Variants in IL17RD observed in about 807,000 individuals in gnomAD.
IL17RD encodes the protein interleukin-17 receptor D.
Under a neutral mutation model 80.5 loss-of-function variants are expected in IL17RD, and 52 were observed. That is an observed-to-expected ratio of 0.65 (90% CI 0.52 to 0.81). IL17RD has a LOEUF of 0.81. Among genes scored for constraint, IL17RD ranks in the 40% least tolerant of loss-of-function variants. The pLI, the probability that IL17RD is intolerant of heterozygous loss-of-function variation, is 0.00. For synonymous variants in IL17RD, 416 were observed against 391.8 expected (o/e 1.06, Z -0.73); for missense variants, 1,024 against 955.1 (o/e 1.07, Z -0.95).
intron 1 of IL17RD, among the ~76,000 whole-genome samples, chr3:57,121,353 A>G (rs1707334037): frequency 1.3e-5 from 2 of 152,182 alleles, no homozygotes; most frequent in Admixed American, 1.3e-4. Flanking sequence ...TGACATCCAT[A>G]TGCCACAGGC....
At chr3:57,156,921 C>A (rs1258836213) in intron 1 of IL17RD, among the ~76,000 whole-genome samples, 1 of 152,130 alleles carries the variant, frequency 6.6e-6, no homozygotes, top group African/African-American at 2.4e-5. Context: ...TCTAAGCCTC[C>A]CACGAACCAT....
intron 1 of IL17RD, among the ~76,000 whole-genome samples, chr3:57,143,683 T>C (rs1707873180): frequency 6.6e-6 from 1 of 152,208 alleles, no homozygotes; most frequent in Admixed American, 6.5e-5. Context: ...CTGTACTCAA[T>C]AGGGTAATCC....
At chr3:57,141,875 G>C (rs1416573000) in intron 1 of IL17RD, among the ~76,000 whole-genome samples, 1 of 152,186 alleles carries the variant, frequency 6.6e-6, no homozygotes, top group Non-Finnish European at 1.5e-5. Context: ...TCCACCGCAG[G>C]CCTTGGGCTC....
At chr3:57,134,092 T>G (rs1461886702) in intron 1 of IL17RD, 1 of 487,382 alleles carries the variant, frequency 2.1e-6, no homozygotes, top group Non-Finnish European at 3.8e-6. Flanking sequence ...GACTTTAAAC[T>G]AAGAATCGGG....
At chr3:57,140,329 T>A (rs941883515) in intron 1 of IL17RD, among the ~76,000 whole-genome samples, 4 of 152,216 alleles carry the variant, frequency 2.6e-5, no homozygotes, top group Admixed American at 6.5e-5. Flanking sequence ...TCATTTTTTT[T>A]AACCAGATAC....
intron 5 of IL17RD, among the ~76,000 whole-genome samples, chr3:57,107,365 C>T (rs1341457723): frequency 1.4e-5 from 2 of 139,754 alleles, no homozygotes; most frequent in Non-Finnish European, 1.5e-5. Flanking sequence ...GGCGACAGAG[C>T]GAAACTCCAT....
At chr3:57,106,371 A>C (rs909682077) in intron 5 of IL17RD, among the ~76,000 whole-genome samples, 3 of 152,242 alleles carry the variant, frequency 2.0e-5, no homozygotes, top group African/African-American at 7.2e-5. Flanking sequence ...ACTTTATGCC[A>C]CATAAATGGT....
rs1559477135 is a variant in IL17RD at position 57,127,336 on chromosome 3, AAAAAT to A, written c.127-7028_127-7024del. On this transcript the variant is annotated intron_variant, in intron 1 of 12. Transcript: ENST00000296318. ...TATAAAAATATATATAAATATATATAAAAATATATATAAATATATATAAATATAAA... is the reference window on the plus strand; with the variant it reads ...TATAAAAATATATATAAATATATATAATATATAAATATATATAAATATAAA... Among the ~76,000 whole-genome samples, 4 of 89,464 alleles carry A rather than the reference AAAAAT, an allele frequency of 4.5e-5. 1 individual carries two copies. The highest frequency in any genetic ancestry group is 6.8e-5 in the African/African-American group (1 of 14,706). The allele number at this position is 89,464 out of a possible 152,430, so 58.7% of individuals were successfully genotyped here.
At chr3:57,160,656 C>T (rs1559488658) in intron 1 of IL17RD, among the ~76,000 whole-genome samples, 1 of 152,196 alleles carries the variant, frequency 6.6e-6, no homozygotes. Flanking sequence ...AAAGTCTTCA[C>T]ATTCTTCTCT....
chr3:57,159,657 A>AGG (rs1192191703), intron 1 of IL17RD, among the ~76,000 whole-genome samples: 11 of 152,302 alleles, frequency 7.2e-5, no homozygotes, highest in African/African-American at 2.6e-4. Context: ...CGGCTGACTG[A>AGG]GGGCAGGAGC....
At chr3:57,155,614 G>A (rs1019195061) in intron 1 of IL17RD, among the ~76,000 whole-genome samples, 3 of 151,754 alleles carry the variant, frequency 2.0e-5, no homozygotes, top group Non-Finnish European at 2.9e-5. Flanking sequence ...TTTTTGAGAC[G>A]GAGTCTCGCT....
At chr3:57,150,650 G>A (rs2107535989) in intron 1 of IL17RD, among the ~76,000 whole-genome samples, 1 of 152,316 alleles carries the variant, frequency 6.6e-6, no homozygotes, top group South Asian at 2.1e-4. Flanking sequence ...CCTCTGGATG[G>A]AACTCTCCTC....
At chr3:57,168,432 T>C (rs993367314), upstream of IL17RD, among the ~76,000 whole-genome samples, 3 of 152,172 alleles carry the variant, frequency 2.0e-5, no homozygotes, top group Non-Finnish European at 2.9e-5. Flanking sequence ...CCTGAAGCCA[T>C]GTGGAGGGCA....
At chr3:57,110,863 G>T (rs1290264808) in intron 3 of IL17RD, among the ~76,000 whole-genome samples, 3 of 152,190 alleles carry the variant, frequency 2.0e-5, no homozygotes, top group Admixed American at 6.5e-5. Context: ...TTTACAAAGC[G>T]GTTCTTGCTC....
chr3:57,134,344 G>T (rs970611153), intron 1 of IL17RD: 1 of 689,296 alleles, frequency 1.5e-6, no homozygotes, highest in Non-Finnish European at 2.7e-6. Context: ...ACCTTGGCCC[G>T]CTGGAAGGGC....
chr3:57,100,237 C>CA (rs1706795308), intron 11 of IL17RD, among the ~76,000 whole-genome samples: 1 of 152,232 alleles, frequency 6.6e-6, no homozygotes, highest in African/African-American at 2.4e-5. Context: ...CCACCAACCT[C>CA]ACGCTTTCAT....
chr3:57,108,876 G>A (rs559175126), intron 5 of IL17RD, among the ~76,000 whole-genome samples: 4 of 151,880 alleles, frequency 2.6e-5, no homozygotes, highest in South Asian at 2.1e-4. Flanking sequence ...CCTCAAACTC[G>A]TGGGCTCAAG....
intron 1 of IL17RD, among the ~76,000 whole-genome samples, chr3:57,160,214 T>A (rs1262595456): frequency 6.6e-5 from 10 of 151,894 alleles, no homozygotes; most frequent in Non-Finnish European, 1.0e-4. Context: ...AATAAAATTG[T>A]TGATGGGGTA....
chr3:57,105,552 A>AAAAATATATATATAT, intron 7 of IL17RD, among the ~76,000 whole-genome samples: 2 of 63,590 alleles, frequency 3.1e-5, no homozygotes, highest in African/African-American at 1.9e-4. Flanking sequence ...AAAAAAAAAA[A>AAAAATATATATATAT]ATATATATAT....
Sources: gnomAD v4.1 joint callset for allele counts (sites outside exome capture counted in the v4.1 genomes callset) on GRCh38, gnomAD v4.1.1 for gene constraint, MANE v1.5 for transcripts, NCBI Gene and HGNC (gene_info 2026-07-23, HGNC 2026-07-21) for gene names.